The following LIN54 variants were observed in gnomAD, a reference collection of about 807,000 sequenced individuals.
LIN54 encodes the protein lin-54 DREAM MuvB core complex component.
A neutral mutation model predicts 78.7 loss-of-function variants in LIN54; 9 were observed. The observed-to-expected ratio is 0.11, with a 90% confidence interval of 0.07 to 0.20. LIN54 has a LOEUF of 0.20. Ranked by LOEUF, LIN54 falls within the 10% of genes least tolerant of loss-of-function variation. The pLI is 1.00. For missense variants in LIN54, 573 were observed against 889.9 expected (o/e 0.64, Z 4.53); for synonymous variants, 269 against 318.4 (o/e 0.84, Z 1.65).
intron 4 of LIN54, 52 bp from the exon 5 acceptor site, chr4:82,946,526 C>G (rs1187596429): frequency 9.3e-6 from 13 of 1,402,126 alleles, no homozygotes; most frequent in Non-Finnish European, 1.3e-5. Flanking sequence ...AACTTTCCTA[C>G]TATTTTTAAT....
chr4:82,941,299 G>A lies in LIN54; in HGVS notation c.1169-1337C>T, dbSNP rs74793093. Among the ~76,000 whole-genome samples the A allele has an allele frequency of 7.2e-3, 1,091 of 151,908 alleles. 16 individuals carry two copies. The highest frequency in any genetic ancestry group is 0.01 in the Middle Eastern group (3 of 294). ...GGAGAAGGGCATTTCACACAAAGAC[G>A]GAAGCATGAGAAGTGGAAGCTTAAT... On this transcript the variant is annotated intron_variant, in intron 5 of 12. Coordinates refer to ENST00000340417, the MANE Select transcript of LIN54 (RefSeq NM_194282.4).
Position 82,984,319 on chromosome 4 carries a change from C to G in LIN54, c.526G>C (p.Ala176Pro). The G allele has an allele frequency of 6.2e-7, 1 of 1,614,098 alleles. No homozygotes were observed. The highest frequency in any genetic ancestry group is 8.5e-7 in the Non-Finnish European group (1 of 1,180,012). The stretch of plus-strand genomic sequence containing the variant: ...TTAATTTGCTGCGGTGGTAACTTAG[C>G]ATCTCCTGACTGGGCCTGAGTTGTA... ...KVTTQAQSGD[A>P]KLPPQQIKVV... Residue 176 changes from alanine (A) to proline (P), a missense_variant, in exon 2 of 13, where the codon GCT (alanine) becomes CCT (proline). This residue lies in a region of LIN54 where 183 missense variants were observed against 228.4 expected (regional missense o/e 0.80). Coordinates refer to ENST00000340417, the MANE Select transcript of LIN54 (RefSeq NM_194282.4).
intron 3 of LIN54, among the ~76,000 whole-genome samples, chr4:82,978,164 C>T (rs1252537188): frequency 6.6e-6 from 1 of 152,148 alleles, no homozygotes; most frequent in South Asian, 2.1e-4. Context: ...AGAACGAACA[C>T]TTGAAGTCAA....
intron 4 of LIN54, among the ~76,000 whole-genome samples, chr4:82,954,697 A>G (rs1724142000): frequency 6.6e-6 from 1 of 152,250 alleles, no homozygotes; most frequent in African/African-American, 2.4e-5. Flanking sequence ...ACAGGAGAAC[A>G]TAAAAACAGA....
At chr4:82,955,652 G>A (rs1724253544) in intron 4 of LIN54, among the ~76,000 whole-genome samples, 1 of 151,940 alleles carries the variant, frequency 6.6e-6, no homozygotes, top group African/African-American at 2.4e-5. Flanking sequence ...AGGCATGGTG[G>A]CTCATGCCTG....
chr4:82,971,243 T>C (rs1454806155), intron 3 of LIN54, among the ~76,000 whole-genome samples: 2 of 152,192 alleles, frequency 1.3e-5, no homozygotes, highest in Non-Finnish European at 2.9e-5. Flanking sequence ...TCTGGACACA[T>C]GGTAGAACTA....
At chr4:82,958,849 T>A (rs1483310312) in intron 4 of LIN54, among the ~76,000 whole-genome samples, 1 of 151,960 alleles carries the variant, frequency 6.6e-6, no homozygotes, top group Non-Finnish European at 1.5e-5. Context: ...ATAACAAGCG[T>A]GTGCCACTAC....
In LIN54 at chr4:82,954,399, A is replaced by ATTATTTATTTATTTAT. The variant is rs10523473; in HGVS notation, c.952-7941_952-7926dup. 2.0e-3 allele frequency among the ~76,000 whole-genome samples: 295 copies of ATTATTTATTTATTTAT among 145,376 alleles called. 2 individuals carry two copies. The highest frequency in any genetic ancestry group is 7.0e-3 in the Middle Eastern group (2 of 286). ...TTTTAAAAATACAAATTTATATGAG[A>ATTATTTATTTATTTAT]TTATTTATTTATTTATTTATTTATT... On this transcript the variant is annotated intron_variant, in intron 4 of 12. Coordinates refer to ENST00000340417, the MANE Select transcript of LIN54 (RefSeq NM_194282.4).
rs142876996 is a variant in LIN54 at position 82,933,139 on chromosome 4, A to C, written c.1846-1994T>G. ...TGGGTTACTGTGAGCCTGAATGGGA[A>C]TCTAACTAAAGCAATACTTAATAAG... On this transcript the variant is annotated intron_variant, in intron 11 of 12. Transcript: ENST00000340417. 3.3e-3 allele frequency among the ~76,000 whole-genome samples: 506 copies of C among 151,952 alleles called. 6 individuals are homozygous for C. Among genetic ancestry groups the C allele is most frequent in the African/African-American group, 0.011 (470 of 41,516 alleles).
rs373702813 is a variant in LIN54, at chr4:82,984,848, C to T, written c.-4G>A. The T allele has an allele frequency of 5.1e-5, 82 of 1,598,768 alleles. No homozygotes were observed. The highest frequency in any genetic ancestry group is 6.5e-5 in the Non-Finnish European group (76 of 1,172,302). On this transcript the variant is annotated 5_prime_UTR_variant, in exon 2 of 13. Coordinates refer to ENST00000340417, the MANE Select transcript of LIN54 (RefSeq NM_194282.4). Reference sequence around the variant, plus strand: ...CCTCAGCTGGCACCACCTCCATGATCGTTCTCCCGCTAGAAAGTTGATCAG... The same window carrying T: ...CCTCAGCTGGCACCACCTCCATGATTGTTCTCCCGCTAGAAAGTTGATCAG...
chr4:83,009,599 A>C (rs115309325), intron 1 of LIN54, among the ~76,000 whole-genome samples: 1 of 152,346 alleles, frequency 6.6e-6, no homozygotes, highest in Non-Finnish European at 1.5e-5. Flanking sequence ...CAGATAACCT[A>C]ATAAAACAGT....
chr4:82,941,406 C>G (rs1176085866), intron 5 of LIN54, among the ~76,000 whole-genome samples: 1 of 151,976 alleles, frequency 6.6e-6, no homozygotes, highest in African/African-American at 2.4e-5. Context: ...CAGACAAATA[C>G]AGGCAAAAAG....
In LIN54 at chr4:82,925,392, C is replaced by T. The variant is rs1721381794; in HGVS notation, c.*2710G>A. The T allele has an allele frequency of 6.6e-6, 1 of 152,174 alleles. No homozygotes were observed. Among genetic ancestry groups the T allele is most frequent in the Non-Finnish European group, 1.5e-5 (1 of 68,052 alleles). The allele number at this position is 152,174 out of a possible 1,614,324, so 9.4% of individuals were successfully genotyped here. On this transcript the variant is annotated 3_prime_UTR_variant, in exon 13 of 13. Transcript: ENST00000340417. ...TATATTTTTAGTAGAGACAGGGTTT[C>T]ACCATGTAGCCTGGGCTGGTCTAGA... is the stretch of plus-strand genomic sequence containing the variant.
At chr4:82,965,678 T>A (rs534873611) in intron 4 of LIN54, among the ~76,000 whole-genome samples, 2 of 152,230 alleles carry the variant, frequency 1.3e-5, no homozygotes, top group Non-Finnish European at 2.9e-5. Context: ...AAGAGAGGCA[T>A]GGGTGGAAAA....
chr4:82,937,740 G>A (rs957275316), intron 8 of LIN54, among the ~76,000 whole-genome samples: 7 of 152,140 alleles, frequency 4.6e-5, no homozygotes, highest in South Asian at 4.1e-4. Flanking sequence ...GACTGATTCC[G>A]GGTAATTAAG....
At chr4:82,987,851 G>C (rs187567942) in intron 1 of LIN54, among the ~76,000 whole-genome samples, 3 of 152,340 alleles carry the variant, frequency 2.0e-5, no homozygotes, top group Admixed American at 2.0e-4. Flanking sequence ...ATGTGTGCAT[G>C]TGTCTTTATA....
chr4:82,974,188 T>A (rs559751954), intron 3 of LIN54, among the ~76,000 whole-genome samples: 2 of 149,406 alleles, frequency 1.3e-5, no homozygotes, highest in South Asian at 4.2e-4. Flanking sequence ...CCAGCCTGGG[T>A]GACAGAGCAA....
At chr4:82,945,898 T>C (rs1723315047) in intron 5 of LIN54, among the ~76,000 whole-genome samples, 1 of 152,244 alleles carries the variant, frequency 6.6e-6, no homozygotes, top group Admixed American at 6.5e-5. Flanking sequence ...TCATTTCAAC[T>C]GACCCAAACC....
At chr4:82,980,903 GA>G (rs1489768899) in intron 2 of LIN54, among the ~76,000 whole-genome samples, 1 of 151,872 alleles carries the variant, frequency 6.6e-6, no homozygotes, top group African/African-American at 2.4e-5. Flanking sequence ...TTATCAGTAA[GA>G]AAAAAATATA....
Sources: gnomAD v4.1 joint callset for allele counts (sites outside exome capture counted in the v4.1 genomes callset) on GRCh38, gnomAD v4.1.1 for gene constraint, gnomAD v4.1.1 regional missense constraint, MANE v1.5 for transcripts, NCBI Gene and HGNC (gene_info 2026-07-23, HGNC 2026-07-21) for gene names.